TBC1D1: variants seen among roughly 807,000 people sequenced by gnomAD.
The protein encoded by TBC1D1 is TBC1 domain family member 1.
TBC1D1 carries 89 observed loss-of-function variants against 125.6 expected under a neutral mutation model. The ratio of observed to expected loss-of-function variants is 0.71; its 90% CI spans 0.60 to 0.85. TBC1D1 has a LOEUF of 0.85. Ranked by LOEUF, TBC1D1 falls within the 40% of genes least tolerant of loss-of-function variation. TBC1D1 has a pLI of 0.00. For missense variants in TBC1D1, 1,377 were observed against 1,469.2 expected (o/e 0.94, Z 1.03); for synonymous variants, 565 against 564.1 (o/e 1.00, Z -0.02).
chr4:38,114,674 A>T (rs1355317441), intron 15 of TBC1D1, among the ~76,000 whole-genome samples: 3 of 152,236 alleles, frequency 2.0e-5, no homozygotes, highest in Non-Finnish European at 4.4e-5. Context: ...AGGAAGAGGA[A>T]CTTGACAAGT....
At position 38,044,496 on chromosome 4, in the gene TBC1D1, T is replaced by A. The variant is rs781121088; in HGVS notation, c.1542+6T>A. ...TAGAAAGTATTTTGTCCCGGGTAAG[T>A]AGCATAATTTCTCCTGATTTAAGTT... On this transcript the variant is annotated splice_donor_region_variant and intron_variant, in intron 9 of 19. Coordinates refer to ENST00000261439, the MANE Select transcript of TBC1D1 (RefSeq NM_015173.4). 1 of 1,602,456 alleles carries A rather than the reference T, an allele frequency of 6.2e-7. No homozygotes were observed. Among genetic ancestry groups the A allele is most frequent in the South Asian group, 1.1e-5 (1 of 88,290 alleles).
chr4:37,949,820 G>A (rs1260302230), intron 2 of TBC1D1, among the ~76,000 whole-genome samples: 2 of 152,110 alleles, frequency 1.3e-5, no homozygotes, highest in South Asian at 4.2e-4. Context: ...AATGGGCTTG[G>A]CTATGTTCCA....
intron 10 of TBC1D1, among the ~76,000 whole-genome samples, chr4:38,049,389 A>T (rs190567397): frequency 1.3e-5 from 2 of 152,158 alleles, no homozygotes; most frequent in African/African-American, 2.4e-5. Context: ...TCACTCCTGC[A>T]CTTGGCCAGT....
chr4:38,109,463 G>C (rs891298304), intron 15 of TBC1D1, among the ~76,000 whole-genome samples: 1 of 152,218 alleles, frequency 6.6e-6, no homozygotes, highest in Admixed American at 6.5e-5. Flanking sequence ...GTCAGTCGGT[G>C]GTGCTGGCAA....
At chr4:38,069,727 G>A (rs986400183) in intron 12 of TBC1D1, among the ~76,000 whole-genome samples, 9 of 152,156 alleles carry the variant, frequency 5.9e-5, no homozygotes, top group Non-Finnish European at 1.3e-4. Flanking sequence ...GTTTCGAGAG[G>A]GAGAAATGAT....
intron 2 of TBC1D1, among the ~76,000 whole-genome samples, chr4:37,955,170 C>T (rs1728685008): frequency 6.6e-6 from 1 of 152,004 alleles, no homozygotes; most frequent in Non-Finnish European, 1.5e-5. Context: ...CATGTATAAT[C>T]TAATAAATTT....
At chr4:38,066,624 G>T (rs935731761) in intron 12 of TBC1D1, among the ~76,000 whole-genome samples, 25 of 151,602 alleles carry the variant, frequency 1.6e-4, no homozygotes, top group Non-Finnish European at 4.4e-5. Flanking sequence ...GTGCCACTGC[G>T]CCAGGCCTCC....
At chr4:38,002,087 T>C (rs919325975) in intron 2 of TBC1D1, among the ~76,000 whole-genome samples, 1 of 152,186 alleles carries the variant, frequency 6.6e-6, no homozygotes, top group South Asian at 2.1e-4. Context: ...AGAGAGAGCA[T>C]TCCTGCATTC....
chr4:37,946,916 C>T lies in TBC1D1; in HGVS notation c.417+44404C>T, dbSNP rs145367289. On this transcript the variant is annotated intron_variant, in intron 2 of 19. Coordinates refer to ENST00000261439, the MANE Select transcript of TBC1D1 (RefSeq NM_015173.4). ...CGTCTTGTACACTAAGGTTCCTAGC[C>T]GCTTTTTATGTAATAGCCAAAAATG... Among the ~76,000 whole-genome samples the T allele has an allele frequency of 8.3e-3, 1,261 of 152,218 alleles. 11 individuals are homozygous for T. The highest frequency in any genetic ancestry group is 0.027 in the African/African-American group (1,127 of 41,540).
At chr4:38,065,902 G>A (rs1254276133) in intron 12 of TBC1D1, among the ~76,000 whole-genome samples, 1 of 152,024 alleles carries the variant, frequency 6.6e-6, no homozygotes, top group Non-Finnish European at 1.5e-5. Context: ...CGCCCACCTC[G>A]GCCTCCCAAA....
intron 2 of TBC1D1, among the ~76,000 whole-genome samples, chr4:38,005,975 C>G (rs145121355): frequency 6.3e-4 from 96 of 152,064 alleles, no homozygotes; most frequent in Non-Finnish European, 1.3e-3. Context: ...GCAAATTACC[C>G]GTGTTTTTTG....
chr4:37,977,355 C>A lies in TBC1D1; in HGVS notation c.418-37154C>A, dbSNP rs555146466. The A allele has an allele frequency of 1.6e-5, 4 of 251,710 alleles. No homozygotes were observed. The highest frequency in any genetic ancestry group is 2.5e-5 in the Non-Finnish European group (4 of 162,718). The allele number at this position is 251,710 out of a possible 1,614,324, so 15.6% of individuals were successfully genotyped here. On this transcript the variant is annotated intron_variant, in intron 2 of 19. Transcript: ENST00000261439. This position sits in a 1 kb window ranked among gnomAD's most constrained non-coding sequence, Gnocchi z 4.3. ...CGGGGCAGTGACGAACTGGGTGGAGCCCGCCGCCGCCGCCGCCGCCGCCGG... is the reference window on the plus strand; with the variant it reads ...CGGGGCAGTGACGAACTGGGTGGAGACCGCCGCCGCCGCCGCCGCCGCCGG...
intron 14 of TBC1D1, among the ~76,000 whole-genome samples, chr4:38,101,891 G>T (rs925866780): frequency 6.6e-6 from 1 of 152,086 alleles, no homozygotes; most frequent in African/African-American, 2.4e-5. Context: ...CCTCTCTCTT[G>T]TACTTTTCTC....
chr4:37,924,206 C>G (rs1210600956), intron 2 of TBC1D1, among the ~76,000 whole-genome samples: 1 of 152,126 alleles, frequency 6.6e-6, no homozygotes, highest in Admixed American at 6.6e-5. Flanking sequence ...ACCACCCCTG[C>G]CATGCTCCCT....
chr4:37,907,709 C>T (rs1022599053), intron 2 of TBC1D1, among the ~76,000 whole-genome samples: 2 of 152,130 alleles, frequency 1.3e-5, no homozygotes, highest in African/African-American at 4.8e-5. Flanking sequence ...GCATGAGTGA[C>T]CCTGACTAGA....
At chr4:38,056,814 T>C (rs10023770) in intron 12 of TBC1D1, among the ~76,000 whole-genome samples, 2 of 149,448 alleles carry the variant, frequency 1.3e-5, no homozygotes, top group Admixed American at 6.6e-5. Context: ...TCTCGCGGGG[T>C]GGGGGAGTCA....
chr4:37,951,862 A>G, intron 2 of TBC1D1: 2 of 646,810 alleles, frequency 3.1e-6, no homozygotes, highest in Admixed American at 4.7e-5. Flanking sequence ...TTCAGATACA[A>G]TTTTTAGCTA....
chr4:38,053,058 G>A, intron 11 of TBC1D1, 48 bp from the exon 13 acceptor site: 1 of 1,280,768 alleles, frequency 7.8e-7, no homozygotes, highest in East Asian at 3.0e-5. Context: ...TATACTTTGT[G>A]TTTTTATGTT....
intron 6 of TBC1D1, among the ~76,000 whole-genome samples, chr4:38,025,765 G>A (rs1404576732): frequency 6.6e-6 from 1 of 152,182 alleles, no homozygotes; most frequent in Admixed American, 6.5e-5. Flanking sequence ...TCTTAACTCT[G>A]TTTCGCTTCG....
Sources: allele counts gnomAD v4.1 joint callset (sites outside exome capture counted in the v4.1 genomes callset), GRCh38; gene constraint gnomAD v4.1.1; non-coding constraint Gnocchi (gnomAD v3.1); transcripts MANE v1.5; gene names NCBI Gene and HGNC (gene_info 2026-07-23, HGNC 2026-07-21).